Variants in SDCCAG8 observed in about 807,000 individuals in gnomAD.
SDCCAG8 encodes serologically defined colon cancer antigen 8.
SDCCAG8 carries 74 observed loss-of-function variants against 101.8 expected under a neutral mutation model. The observed-to-expected ratio is 0.73, with a 90% confidence interval of 0.60 to 0.88. The LOEUF is 0.88. Among genes scored for constraint, SDCCAG8 ranks in the 40% least tolerant of loss-of-function variants. The pLI is 0.00. For missense variants in SDCCAG8, 787 were observed against 822.6 expected (o/e 0.96, Z 0.53); for synonymous variants, 281 against 292.9 (o/e 0.96, Z 0.41).
chr1:243,393,534 C>T (rs2078849187), intron 13 of SDCCAG8, among the ~76,000 whole-genome samples: 1 of 116,288 alleles, frequency 8.6e-6, no homozygotes, highest in Non-Finnish European at 1.7e-5. Context: ...TTGTGTCAAA[C>T]TTGGAGGGTG....
intron 16 of SDCCAG8, among the ~76,000 whole-genome samples, chr1:243,453,070 A>G (rs1246438923): frequency 1.3e-5 from 2 of 152,236 alleles, no homozygotes; most frequent in African/African-American, 4.8e-5. Flanking sequence ...ATGATTAGGC[A>G]TTGTGAAGTA....
At chr1:243,423,194 A>G (rs1052939710) in intron 15 of SDCCAG8, among the ~76,000 whole-genome samples, 3 of 152,182 alleles carry the variant, frequency 2.0e-5, no homozygotes, top group Non-Finnish European at 4.4e-5. Context: ...CACACTTGAT[A>G]GTGATGTGTA....
At chr1:243,475,448 C>G (rs1330611657) in intron 16 of SDCCAG8, among the ~76,000 whole-genome samples, 2 of 152,118 alleles carry the variant, frequency 1.3e-5, no homozygotes, top group African/African-American at 2.4e-5. Flanking sequence ...CCCTGCTCCC[C>G]CTTCCCTCCG....
At chr1:243,453,406 C>T (rs1190998770) in intron 16 of SDCCAG8, among the ~76,000 whole-genome samples, 1 of 152,180 alleles carries the variant, frequency 6.6e-6, no homozygotes, top group African/African-American at 2.4e-5. Context: ...TTGACTTTCC[C>T]TGGGCTTCAT....
intron 12 of SDCCAG8, among the ~76,000 whole-genome samples, chr1:243,364,313 A>G (rs1270788752): frequency 2.0e-5 from 3 of 152,202 alleles, no homozygotes; most frequent in Admixed American, 6.5e-5. Flanking sequence ...TAAGTTGAAC[A>G]CAGACATGCT....
At chr1:243,467,371 T>C (rs185903371) in intron 16 of SDCCAG8, among the ~76,000 whole-genome samples, 3 of 152,276 alleles carry the variant, frequency 2.0e-5, no homozygotes, top group Admixed American at 2.0e-4. Context: ...CCAGCTCCAG[T>C]CAGATAAAGG....
At chr1:243,270,892 A>G in intron 2 of SDCCAG8, 86 bp from the exon 3 acceptor site, 1 of 959,294 alleles carries the variant, frequency 1.0e-6, no homozygotes, top group South Asian at 1.3e-5. Context: ...TATATCAGCA[A>G]TTTTTATTAG....
chr1:243,494,329 GC>G (rs1031661029), intron 17 of SDCCAG8, among the ~76,000 whole-genome samples: 1 of 152,112 alleles, frequency 6.6e-6, no homozygotes, highest in African/African-American at 2.4e-5. Context: ...GTTAAAGTTT[GC>G]CCTGATTCTT....
chr1:243,498,453 A>C (rs1401201234), intron 17 of SDCCAG8, among the ~76,000 whole-genome samples: 6 of 152,108 alleles, frequency 3.9e-5, no homozygotes, highest in Admixed American at 1.3e-4. Context: ...CAGGTTTACG[A>C]GGAGGAGTGA....
At chr1:243,373,437 T>A (rs2077419785) in intron 12 of SDCCAG8, among the ~76,000 whole-genome samples, 1 of 152,124 alleles carries the variant, frequency 6.6e-6, no homozygotes, top group Non-Finnish European at 1.5e-5. Context: ...CAATCATGTA[T>A]ATTTATATTT....
chr1:243,409,707 T>C (rs1440497546), intron 13 of SDCCAG8, among the ~76,000 whole-genome samples: 3 of 152,122 alleles, frequency 2.0e-5, no homozygotes, highest in African/African-American at 7.2e-5. Context: ...CCAGGATAAA[T>C]TGAGCATAAA....
At chr1:243,299,942 A>G (rs2451665) in intron 6 of SDCCAG8, among the ~76,000 whole-genome samples, 144,358 of 151,604 alleles carry the variant, frequency 0.95, 69,117 homozygotes, top group East Asian at 1. Flanking sequence ...TTGACTCACT[A>G]CAACCTCCGC....
intron 5 of SDCCAG8, among the ~76,000 whole-genome samples, chr1:243,291,537 C>G (rs1391541120): frequency 6.6e-6 from 1 of 152,216 alleles, no homozygotes; most frequent in African/African-American, 2.4e-5. Flanking sequence ...CCCTGGCATG[C>G]AGGCTGCATG....
intron 16 of SDCCAG8, among the ~76,000 whole-genome samples, chr1:243,436,926 G>A (rs2082172282): frequency 6.6e-6 from 1 of 152,082 alleles, no homozygotes; most frequent in Admixed American, 6.5e-5. Flanking sequence ...GTAAATTTCT[G>A]TTCTTATATC....
intron 16 of SDCCAG8, among the ~76,000 whole-genome samples, chr1:243,452,935 T>C (rs192357871): frequency 1.3e-5 from 2 of 152,338 alleles, no homozygotes; most frequent in East Asian, 3.9e-4. Flanking sequence ...TACTCTGTTG[T>C]TTTCCTTCTC....
chr1:243,330,747 C>A, intron 10 of SDCCAG8, 55 bp downstream of exon 10: 2 of 1,568,900 alleles, frequency 1.3e-6, no homozygotes, highest in Non-Finnish European at 1.8e-6. Context: ...TTTTATGATG[C>A]CATTGATGAT....
In SDCCAG8 at chr1:243,307,979, C is replaced by G; in HGVS notation, c.741-10C>G. ...GGCCATTTTCTAGAATTTTTTCACCCTCTTTTTAGGAACGACTTAGCTGAA... is the reference window on the plus strand; with the variant it reads ...GGCCATTTTCTAGAATTTTTTCACCGTCTTTTTAGGAACGACTTAGCTGAA... On this transcript the variant is annotated splice_polypyrimidine_tract_variant and intron_variant, in intron 7 of 17. Transcript: ENST00000366541. 6.2e-7 allele frequency: 1 copy of G among 1,613,170 alleles called. No homozygotes were observed. Among genetic ancestry groups the G allele is most frequent in the Non-Finnish European group, 8.5e-7 (1 of 1,179,894 alleles).
chr1:243,344,390 A>C, intron 12 of SDCCAG8, 59 bp downstream of exon 12: 8 of 1,156,908 alleles, frequency 6.9e-6, no homozygotes, highest in Non-Finnish European at 1.0e-5. Context: ...TTCTTTCTCA[A>C]GTTGATGTTG....
intron 11 of SDCCAG8, among the ~76,000 whole-genome samples, chr1:243,342,795 T>C (rs376653697): frequency 7.2e-4 from 110 of 152,304 alleles, no homozygotes; most frequent in African/African-American, 2.5e-3. Flanking sequence ...CTCTCTCACA[T>C]TGAAGGCATT....
Sources: allele counts gnomAD v4.1 joint callset (sites outside exome capture counted in the v4.1 genomes callset), GRCh38; gene constraint gnomAD v4.1.1; transcripts MANE v1.5; gene names NCBI Gene and HGNC (gene_info 2026-07-23, HGNC 2026-07-21).